ACOT11: variants seen among roughly 807,000 people sequenced by gnomAD.
ACOT11 encodes acyl-coenzyme A thioesterase 11.
A neutral mutation model predicts 77.5 loss-of-function variants in ACOT11; 69 were observed. The ratio of observed to expected loss-of-function variants is 0.89; its 90% confidence interval spans 0.73 to 1.09. The LOEUF is 1.09. ACOT11 is among the 50% of genes least tolerant of loss of function. The probability of loss-of-function intolerance (pLI) is 0.00; values close to 1 mark genes in which losing one functional copy is unlikely to be tolerated. For missense variants in ACOT11, 766 were observed against 813.7 expected (o/e 0.94, Z 0.71); for synonymous variants, 279 against 313.0 (o/e 0.89, Z 1.15).
At chr1:54,610,953 C>T (rs184668119), downstream of ACOT11, 1 of 985,364 alleles carries the variant, frequency 1.0e-6, no homozygotes, top group East Asian at 1.1e-4. Context: ...TTAATGAATA[C>T]AGTGGAGGCC....
intron 1 of ACOT11, among the ~76,000 whole-genome samples, chr1:54,551,109 C>T (rs1037519676): frequency 7.1e-6 from 1 of 140,988 alleles, no homozygotes; most frequent in South Asian, 2.2e-4. Context: ...CACTGCACTC[C>T]AGCCTGGGCG....
chr1:54,603,788 A>G, intron 10 of ACOT11, 83 bp from the exon 11 acceptor site: 1 of 1,338,378 alleles, frequency 7.5e-7, no homozygotes, highest in Non-Finnish European at 1.1e-6. Flanking sequence ...CACAGGGCCT[A>G]GCACAGAGTA....
rs888988827 is a variant in ACOT11 at position 54,583,968 on chromosome 1, G to C, written c.34-687G>C. Among the ~76,000 whole-genome samples the C allele has an allele frequency of 5.3e-5, 8 of 152,178 alleles. No individual in the cohort carries two copies. The East Asian group carries it at 1.5e-3, about 29-fold the overall frequency. On this transcript the variant is annotated intron_variant, in intron 1 of 15. Coordinates refer to ENST00000343744, the MANE Select transcript of ACOT11 (RefSeq NM_147161.4). ...CCCACCTCTTCTGCTTGGAGAGTAA[G>C]ACATGCTGGTTCCAAGCAGAAACCC...
chr1:54,634,420 G>A (rs1024753806), intron 16 of ACOT11, among the ~76,000 whole-genome samples: 4 of 152,138 alleles, frequency 2.6e-5, no homozygotes, highest in Non-Finnish European at 4.4e-5. Flanking sequence ...GGTAATTGAG[G>A]TATTGACTGC....
chr1:54,631,871 C>T (rs1249291587), intron 16 of ACOT11, among the ~76,000 whole-genome samples: 7 of 152,166 alleles, frequency 4.6e-5, no homozygotes, highest in Non-Finnish European at 1.0e-4. Context: ...GGCCAGGCTG[C>T]TCTGCGACCT....
chr1:54,581,744 A>G (rs983607118), intron 1 of ACOT11, among the ~76,000 whole-genome samples: 2 of 152,066 alleles, frequency 1.3e-5, no homozygotes, highest in South Asian at 2.1e-4. Flanking sequence ...CTGGCTGCCC[A>G]GGCCCTGACT....
At chr1:54,576,577 G>A (rs1443229229) in intron 1 of ACOT11, among the ~76,000 whole-genome samples, 1 of 150,546 alleles carries the variant, frequency 6.6e-6, no homozygotes, top group Non-Finnish European at 1.5e-5. Context: ...TGTTAAAGAT[G>A]TTATCTGGAA....
Position 54,608,067 on chromosome 1 carries a change from A to T in ACOT11, c.1628A>T (p.Lys543Met), listed in dbSNP as rs761777607. The T allele has an allele frequency of 6.2e-7, 1 of 1,609,562 alleles. No individual in the cohort carries two copies. Among genetic ancestry groups the T allele is most frequent in the South Asian group, 1.1e-5 (1 of 90,904 alleles). ...TGGCGCGAGGGGGACCAGCTGACCAAGGTGAGGCCGGTCCCCCCAACCACG... is the reference window on the plus strand; with the variant it reads ...TGGCGCGAGGGGGACCAGCTGACCATGGTGAGGCCGGTCCCCCCAACCACG... ...CLWREGDQLT[K>M]VSYYNQATPG... Residue 543 changes from lysine to methionine, a missense_variant and splice_region_variant, in exon 15 of 16, where the codon AAG becomes ATG. Coordinates refer to ENST00000343744, the MANE Select transcript of ACOT11 (RefSeq NM_147161.4).
At chr1:54,562,268 C>T (rs1653538159) in intron 1 of ACOT11, among the ~76,000 whole-genome samples, 2 of 117,862 alleles carry the variant, frequency 1.7e-5, no homozygotes, top group African/African-American at 7.5e-5. Context: ...AGGCGGGGGG[C>T]TGACCCCCCA....
At chr1:54,612,327 G>A (rs560948355), downstream of ACOT11, among the ~76,000 whole-genome samples, 4 of 151,950 alleles carry the variant, frequency 2.6e-5, no homozygotes, top group South Asian at 8.3e-4. Context: ...CCCGTCACCA[G>A]AGGTATGCAA....
chr1:54,610,883 G>C, downstream of ACOT11: 1 of 985,410 alleles, frequency 1.0e-6, no homozygotes, highest in Non-Finnish European at 1.2e-6. Context: ...CTTAACTGCG[G>C]CTCTTCTGGG....
chr1:54,590,944 A>G (rs545927764), intron 3 of ACOT11, among the ~76,000 whole-genome samples: 2 of 152,136 alleles, frequency 1.3e-5, no homozygotes, highest in African/African-American at 4.8e-5. Context: ...TTGTATTTTT[A>G]GTAGAGTTTC....
At chr1:54,608,831 A>G (rs1226382856) in intron 15 of ACOT11, 126 bp from the exon 16 acceptor site, 1 of 915,502 alleles carries the variant, frequency 1.1e-6, no homozygotes, top group Non-Finnish European at 1.7e-6. Context: ...GTTGGGTTGA[A>G]TATTCTGCCC....
At chr1:54,634,952 G>A in exon 17 of ACOT11, 1 of 500,644 alleles carries the variant, frequency 2.0e-6, no homozygotes, top group Non-Finnish European at 3.5e-6. Context: ...TAATTTAATG[G>A]TAGCTATGAT....
At chr1:54,614,754 G>C, downstream of ACOT11, 1 of 1,614,148 alleles carries the variant, frequency 6.2e-7, no homozygotes, top group Non-Finnish European at 8.5e-7. Flanking sequence ...TAAGATGTCA[G>C]CGTTGATCCA....
chr1:54,569,126 T>A (rs11810908), intron 1 of ACOT11, among the ~76,000 whole-genome samples: 107 of 45,684 alleles, frequency 2.3e-3, no homozygotes, highest in African/African-American at 5.9e-3. Context: ...AAAAAAAAAA[T>A]AATTTTTTTT....
intron 1 of ACOT11, among the ~76,000 whole-genome samples, chr1:54,558,810 T>A (rs912995376): frequency 1.3e-5 from 2 of 152,204 alleles, no homozygotes; most frequent in Admixed American, 6.5e-5. Context: ...AGGCTGAGTT[T>A]GGGCTTTCGA....
chr1:54,574,624 A>G (rs1269617969), intron 1 of ACOT11, among the ~76,000 whole-genome samples: 1 of 152,190 alleles, frequency 6.6e-6, no homozygotes, highest in Non-Finnish European at 1.5e-5. Flanking sequence ...CACTTGTTGA[A>G]TGAATGAATG....
intron 15 of ACOT11, among the ~76,000 whole-genome samples, chr1:54,621,126 A>T (rs1644226101): frequency 1.3e-5 from 2 of 149,852 alleles, no homozygotes; most frequent in Non-Finnish European, 1.5e-5. Context: ...ATGCCACTGC[A>T]CTCCATCCTG....
Sources: gnomAD v4.1 joint callset for allele counts (sites outside exome capture counted in the v4.1 genomes callset) on GRCh38, gnomAD v4.1.1 for gene constraint, MANE v1.5 for transcripts, NCBI Gene and HGNC (gene_info 2026-07-23, HGNC 2026-07-21) for gene names.